ZNF521: variants seen among roughly 807,000 people sequenced by gnomAD.
ZNF521 encodes the protein zinc finger protein 521, also known as LYST-interacting protein 3.
In ZNF521, 14 loss-of-function variants were observed where a neutral mutation model predicts 105.5. That is an observed-to-expected ratio of 0.13 (90% CI 0.09 to 0.21). The LOEUF (loss-of-function observed/expected upper bound fraction) is 0.21, where lower values mean the gene tolerates loss of function less well. ZNF521 is among the 10% of genes least tolerant of loss of function. ZNF521 has a pLI of 1.00. For missense variants in ZNF521, 1,233 were observed against 1,629.7 expected, an observed-to-expected ratio of 0.76 and a Z score of 4.19; for synonymous variants, 635 against 606.0, an observed-to-expected ratio of 1.05 and a Z score of -0.70.
intron 3 of ZNF521, among the ~76,000 whole-genome samples, chr18:25,295,560 T>C (rs190098624): frequency 1.1e-3 from 171 of 151,162 alleles, no homozygotes; most frequent in African/African-American, 3.8e-3. Flanking sequence ...CATGCCCGTA[T>C]CAAAATATCT....
chr18:25,211,818 T>C lies in ZNF521; in HGVS notation c.3573+12527A>G, dbSNP rs2036184248. Among the ~76,000 whole-genome samples, 3 of 152,234 alleles carry C rather than the reference T, an allele frequency of 2.0e-5. No homozygotes were observed. The South Asian group carries it at 6.2e-4, about 31-fold the overall frequency. ...CTTATAGAAAGTGATAAAAATATTC[T>C]TTTATTTTACTAAAAGGTTTATGGT... On this transcript the variant is annotated intron_variant, in intron 4 of 7. Coordinates refer to ENST00000361524, the MANE Select transcript of ZNF521 (RefSeq NM_015461.3).
At chr18:25,234,105 T>C (rs1906718531) in intron 3 of ZNF521, among the ~76,000 whole-genome samples, 1 of 151,664 alleles carries the variant, frequency 6.6e-6, no homozygotes, top group Admixed American at 6.5e-5. Context: ...TGGTTTCCAA[T>C]TATGTGGGGG....
In ZNF521 at chr18:25,331,381, G is replaced by A. The variant is rs540432474; in HGVS notation, c.41-9194C>T. ...TGAAAACATTTCTGTGTAGTCTTTA[G>A]TACATAATGACCAGGTATACTGAAA... On this transcript the variant is annotated intron_variant, in intron 2 of 7. Coordinates refer to ENST00000361524, the MANE Select transcript of ZNF521 (RefSeq NM_015461.3). Among the ~76,000 whole-genome samples the A allele has an allele frequency of 4.6e-5, 7 of 151,924 alleles. No individual in the cohort carries two copies. The South Asian group carries it at 1.5e-3, about 32-fold the overall frequency.
intron 3 of ZNF521, among the ~76,000 whole-genome samples, chr18:25,303,487 G>A (rs192800950): frequency 4.0e-5 from 6 of 151,856 alleles, no homozygotes; most frequent in South Asian, 2.1e-4. Flanking sequence ...TAGTAGAGAC[G>A]GGGTTTCACT....
At chr18:25,349,831 G>A (rs1431615924) in intron 2 of ZNF521, among the ~76,000 whole-genome samples, 1 of 150,086 alleles carries the variant, frequency 6.7e-6, no homozygotes, top group African/African-American at 2.4e-5. Flanking sequence ...CCGCCTCCGG[G>A]TCGCGGGGGC....
chr18:25,100,622 A>G (rs1200391002), intron 5 of ZNF521, among the ~76,000 whole-genome samples: 3 of 152,146 alleles, frequency 2.0e-5, no homozygotes, highest in African/African-American at 7.2e-5. Flanking sequence ...GCTATTTGCA[A>G]ATGAGTCACA....
chr18:25,074,022 G>A, intron 7 of ZNF521, among the ~76,000 whole-genome samples: 1 of 150,452 alleles, frequency 6.6e-6, no homozygotes, highest in Non-Finnish European at 1.5e-5. Context: ...CTCCTGAGAG[G>A]TGTGTGTGCG....
chr18:25,259,405 G>A (rs940625210), intron 3 of ZNF521, among the ~76,000 whole-genome samples: 1 of 152,074 alleles, frequency 6.6e-6, no homozygotes, highest in South Asian at 2.1e-4. Context: ...CTGAGTTATG[G>A]TATCAATTTG....
At chr18:25,194,721 A>G (rs532688238) in intron 5 of ZNF521, among the ~76,000 whole-genome samples, 1 of 151,772 alleles carries the variant, frequency 6.6e-6, no homozygotes, top group Admixed American at 6.6e-5. Flanking sequence ...TAAATTATTT[A>G]TGTTTCCCTA....
chr18:25,259,505 AGAGG>A (rs1687465065), intron 3 of ZNF521, among the ~76,000 whole-genome samples: 1 of 152,174 alleles, frequency 6.6e-6, no homozygotes, highest in African/African-American at 2.4e-5. Context: ...AAGTAGTTGG[AGAGG>A]GCACCACGGG....
At chr18:25,300,517 T>A (rs1351912837) in intron 3 of ZNF521, among the ~76,000 whole-genome samples, 1 of 152,178 alleles carries the variant, frequency 6.6e-6, no homozygotes, top group Non-Finnish European at 1.5e-5. Flanking sequence ...TCTCTTTCCA[T>A]CTCTTATTAT....
At chr18:25,123,828 C>A (rs1400812018) in intron 5 of ZNF521, among the ~76,000 whole-genome samples, 1 of 152,132 alleles carries the variant, frequency 6.6e-6, no homozygotes, top group African/African-American at 2.4e-5. Context: ...TTGCCAGATG[C>A]TGGTTTGGAT....
chr18:25,309,525 T>G (rs903423939), intron 3 of ZNF521, among the ~76,000 whole-genome samples: 2 of 152,192 alleles, frequency 1.3e-5, no homozygotes, highest in Non-Finnish European at 2.9e-5. Context: ...CTGTAAATCT[T>G]TCCCTTTAAA....
chr18:25,127,478 A>G (rs2034559083), intron 5 of ZNF521, among the ~76,000 whole-genome samples: 1 of 152,080 alleles, frequency 6.6e-6, no homozygotes, highest in South Asian at 2.1e-4. Context: ...ACTATTATTA[A>G]TGCTTTCGTT....
At chr18:25,092,150 C>T (rs1040867366) in intron 5 of ZNF521, 69 bp from the exon 6 acceptor site, 3 of 1,569,900 alleles carry the variant, frequency 1.9e-6, no homozygotes, top group African/African-American at 2.7e-5. Flanking sequence ...AGAGAGTTAT[C>T]TTTAATTGCA....
At chr18:25,330,456 G>A (rs1032824449) in intron 2 of ZNF521, among the ~76,000 whole-genome samples, 3 of 152,150 alleles carry the variant, frequency 2.0e-5, no homozygotes, top group African/African-American at 7.2e-5. Flanking sequence ...GAGCCACCAT[G>A]CCCAGCCACC....
At chr18:25,290,142 A>G (rs1910931883) in intron 3 of ZNF521, among the ~76,000 whole-genome samples, 1 of 152,246 alleles carries the variant, frequency 6.6e-6, no homozygotes, top group Non-Finnish European at 1.5e-5. Flanking sequence ...AGCTATGGAA[A>G]AGCAGCCAAA....
chr18:25,180,902 C>T (rs2035621384), intron 5 of ZNF521, among the ~76,000 whole-genome samples: 1 of 152,178 alleles, frequency 6.6e-6, no homozygotes, highest in Non-Finnish European at 1.5e-5. Flanking sequence ...AGTGAAGCAG[C>T]CTACAGTATC....
intron 5 of ZNF521, among the ~76,000 whole-genome samples, chr18:25,128,598 A>G (rs1342662120): frequency 6.6e-6 from 1 of 152,064 alleles, no homozygotes; most frequent in African/African-American, 2.4e-5. Flanking sequence ...CTAATAAGCA[A>G]TTACAGCAAT....
Sources: gnomAD v4.1 joint callset for allele counts (sites outside exome capture counted in the v4.1 genomes callset) on GRCh38, gnomAD v4.1.1 for gene constraint, MANE v1.5 for transcripts, NCBI Gene and HGNC (gene_info 2026-07-23, HGNC 2026-07-21) for gene names.